The following PTPRG variants were observed in gnomAD, a reference collection of about 807,000 sequenced individuals.
PTPRG encodes the protein protein tyrosine phosphatase receptor type G.
In PTPRG, 102 loss-of-function variants were observed where a neutral mutation model predicts 165.3. That is an observed-to-expected ratio of 0.62 (90% CI 0.53 to 0.73). The LOEUF is 0.73. Ranked by LOEUF, PTPRG falls within the 30% of genes least tolerant of loss-of-function variation. The probability of loss-of-function intolerance (pLI) is 0.00; values close to 1 mark genes in which losing one functional copy is unlikely to be tolerated. For synonymous variants in PTPRG, 675 were observed against 669.5 expected (o/e 1.01, Z -0.13); for missense variants, 1,866 against 1,861.4 (o/e 1.00, Z -0.05).
At chr3:61,714,040 A>C (rs1039672237) in intron 1 of PTPRG, among the ~76,000 whole-genome samples, 3 of 152,240 alleles carry the variant, frequency 2.0e-5, no homozygotes, top group African/African-American at 7.2e-5. Context: ...AGAGATTTGA[A>C]CTGAATGATC....
chr3:61,750,119 C>G (rs1416754989), intron 2 of PTPRG: 1 of 152,118 alleles, frequency 6.6e-6, no homozygotes, highest in Non-Finnish European at 1.5e-5. Flanking sequence ...CACCCAGTAC[C>G]TTGTGATTAG....
Position 62,203,578 on chromosome 3 carries a change from C to T in PTPRG, c.1783C>T (p.His595Tyr). Residue 595 changes from histidine (H) to tyrosine (Y), a missense_variant, in exon 12 of 30, where the codon CAC becomes TAC. His to Tyr is a moderately conservative substitution (Grantham distance 83). This residue lies in a region of PTPRG where 1,452 missense variants were observed against 1,463.0 expected (regional missense o/e 0.99). Coordinates refer to ENST00000474889, the MANE Select transcript of PTPRG (RefSeq NM_002841.4). The surrounding 1 kb of genome is among the most constrained non-coding windows in gnomAD (Gnocchi z 6.4). ...KSESEDGERE[H>Y]EEDGEKDSEK... ...CGAGAGTGAGGATGGGGAGCGGGAG[C>T]ACGAGGAGGATGGAGAGAAGGACTC... is the stretch of plus-strand genomic sequence containing the variant. The T allele has an allele frequency of 6.4e-7, 1 of 1,552,492 alleles. No homozygotes were observed. Among genetic ancestry groups the T allele is most frequent in the Non-Finnish European group, 8.7e-7 (1 of 1,147,388 alleles).
chr3:61,871,170 GTTA>G (rs1461560730), intron 2 of PTPRG, among the ~76,000 whole-genome samples: 6,561 of 63,884 alleles, frequency 0.1, 176 homozygotes, highest in African/African-American at 0.13. Context: ...GTTGTGTTAT[GTTA>G]TGTTATGTTA....
chr3:61,937,240 G>A (rs926607993), intron 2 of PTPRG, among the ~76,000 whole-genome samples: 35 of 152,218 alleles, frequency 2.3e-4, no homozygotes, highest in Admixed American at 6.5e-5. Flanking sequence ...CAAGCAAAGT[G>A]CTTGAATATG....
At position 62,213,359 on chromosome 3, in the gene PTPRG, T is replaced by C. The variant is rs1290116046; in HGVS notation, c.2156-5492T>C. 1.3e-5 allele frequency among the ~76,000 whole-genome samples: 2 copies of C among 152,240 alleles called. No individual in the cohort carries two copies. The highest frequency in any genetic ancestry group is 3.8e-4 in the East Asian group (2 of 5,200). ...GAAGGGCCTATGCTTGCTTTCATACTGTCTCATACTCTACTGTCACCTTCT... is the reference window on the plus strand; with the variant it reads ...GAAGGGCCTATGCTTGCTTTCATACCGTCTCATACTCTACTGTCACCTTCT... On this transcript the variant is annotated intron_variant, in intron 12 of 29. Transcript: ENST00000474889. The surrounding 1 kb of genome is among the most constrained non-coding windows in gnomAD (Gnocchi z 4.4).
intron 2 of PTPRG, among the ~76,000 whole-genome samples, chr3:61,752,796 A>AAAAAAAAAAG (rs1225275864): frequency 3.7e-5 from 3 of 82,016 alleles, no homozygotes; most frequent in Admixed American, 3.2e-4. Flanking sequence ...AAAAAAAAAA[A>AAAAAAAAAAG]AAAAAGAAAA....
At chr3:61,914,000 A>G (rs2038869595) in intron 2 of PTPRG, among the ~76,000 whole-genome samples, 1 of 152,214 alleles carries the variant, frequency 6.6e-6, no homozygotes, top group South Asian at 2.1e-4. Flanking sequence ...TAACAAAAGG[A>G]AAACCTCCCC....
intron 1 of PTPRG, among the ~76,000 whole-genome samples, chr3:61,575,719 C>A (rs1700161694): frequency 6.6e-6 from 1 of 151,770 alleles, no homozygotes; most frequent in Admixed American, 6.6e-5. Context: ...CCTGCCTCAG[C>A]CTCCTGAGTA....
At chr3:61,981,310 G>A (rs1433497924) in intron 2 of PTPRG, among the ~76,000 whole-genome samples, 1 of 152,224 alleles carries the variant, frequency 6.6e-6, no homozygotes, top group Non-Finnish European at 1.5e-5. Context: ...ACATTTGGAT[G>A]GGGACATAGC....
At chr3:61,918,377 C>T (rs550170688) in intron 2 of PTPRG, among the ~76,000 whole-genome samples, 3 of 149,610 alleles carry the variant, frequency 2.0e-5, no homozygotes, top group East Asian at 1.9e-4. Context: ...TATATATATA[C>T]ACACACACAG....
At chr3:62,115,387 G>T (rs1466431196) in intron 5 of PTPRG, among the ~76,000 whole-genome samples, 1 of 151,980 alleles carries the variant, frequency 6.6e-6, no homozygotes, top group Admixed American at 6.6e-5. Context: ...ATTTTTTTTG[G>T]TAGCATATAT....
intron 1 of PTPRG, among the ~76,000 whole-genome samples, chr3:61,628,373 G>A (rs1338490227): frequency 1.3e-5 from 2 of 151,936 alleles, no homozygotes; most frequent in Admixed American, 1.3e-4. Context: ...CTGGAGTGCA[G>A]TGGCATGGTC....
intron 2 of PTPRG, among the ~76,000 whole-genome samples, chr3:61,903,442 C>T (rs1445217170): frequency 2.6e-5 from 4 of 152,162 alleles, no homozygotes; most frequent in South Asian, 2.1e-4. Context: ...GGCACAATCT[C>T]GGCTCACTGC....
chr3:62,050,630 A>G (rs1050231523), intron 4 of PTPRG, among the ~76,000 whole-genome samples: 2 of 152,198 alleles, frequency 1.3e-5, no homozygotes, highest in Admixed American at 6.5e-5. Context: ...TGTTCATTGT[A>G]TTGTTTTGGT....
Position 62,070,848 on chromosome 3 carries a change from A to G in PTPRG, c.520-7315A>G, listed in dbSNP as rs74783602. Reference sequence around the variant, plus strand: ...ACCACGTTCCCACTGGCAGGTTAACACCAAGCTTGATTAGAAAAATACGTT... The same window carrying G: ...ACCACGTTCCCACTGGCAGGTTAACGCCAAGCTTGATTAGAAAAATACGTT... On this transcript the variant is annotated intron_variant, in intron 4 of 29. Coordinates refer to ENST00000474889, the MANE Select transcript of PTPRG (RefSeq NM_002841.4). 8.1e-3 allele frequency among the ~76,000 whole-genome samples: 1,237 copies of G among 152,142 alleles called. 38 individuals carry two copies. In the East Asian group the frequency reaches 0.093, roughly 11 times the overall value.
intron 4 of PTPRG, among the ~76,000 whole-genome samples, chr3:62,014,022 A>G (rs1341390478): frequency 3.3e-5 from 5 of 152,140 alleles, no homozygotes; most frequent in African/African-American, 1.2e-4. Context: ...CAACACCACC[A>G]ACTGCCTTTT....
chr3:61,972,194 C>T (rs769615448), intron 2 of PTPRG, among the ~76,000 whole-genome samples: 1 of 152,214 alleles, frequency 6.6e-6, no homozygotes, highest in Non-Finnish European at 1.5e-5. Context: ...TTGCCTGTTA[C>T]TCTAGGTAGG....
chr3:62,117,299 A>G (rs373337567), intron 5 of PTPRG, among the ~76,000 whole-genome samples: 16 of 152,238 alleles, frequency 1.1e-4, no homozygotes, highest in African/African-American at 3.4e-4. Context: ...AACTGCTTGA[A>G]TTCTGTATAT....
chr3:61,630,434 T>C (rs1393440078), intron 1 of PTPRG, among the ~76,000 whole-genome samples: 1 of 152,184 alleles, frequency 6.6e-6, no homozygotes. Context: ...CTGTAACATA[T>C]CTGGTTAATA....
Sources: allele counts gnomAD v4.1 joint callset (sites outside exome capture counted in the v4.1 genomes callset), GRCh38; gene constraint gnomAD v4.1.1; regional missense constraint gnomAD v4.1.1; non-coding constraint Gnocchi (gnomAD v3.1); transcripts MANE v1.5; gene names NCBI Gene and HGNC (gene_info 2026-07-23, HGNC 2026-07-21).